Variants in NRXN1 observed in about 807,000 individuals in gnomAD.
NRXN1 encodes neurexin-1.
In NRXN1, 39 loss-of-function variants were observed where a neutral mutation model predicts 150.9. That is an observed-to-expected ratio of 0.26 (90% CI 0.20 to 0.34). The LOEUF is 0.34. NRXN1 is among the 10% of genes least tolerant of loss of function. NRXN1 has a pLI of 1.00. For synonymous variants in NRXN1, 924 were observed against 757.0 expected (o/e 1.22, Z -3.62); for missense variants, 1,815 against 1,949.9 (o/e 0.93, Z 1.30).
chr2:50,250,979 A>G (rs1483565078), intron 17 of NRXN1, among the ~76,000 whole-genome samples: 2 of 148,712 alleles, frequency 1.3e-5, no homozygotes, highest in African/African-American at 5.0e-5. Flanking sequence ...CACATTGCAT[A>G]TGTAATAAAT....
chr2:50,545,610 T>C (rs1175524516), intron 9 of NRXN1, among the ~76,000 whole-genome samples: 1 of 152,212 alleles, frequency 6.6e-6, no homozygotes, highest in Admixed American at 6.5e-5. Flanking sequence ...GCCAAGTTAT[T>C]GATTTCCTCT....
Position 50,961,814 on chromosome 2 carries a change from T to G in NRXN1, c.773-35859A>C, listed in dbSNP as rs369562427. ...AACAAGGAGGGATTTTGTTAATTCCTTTCCTCATAATATTATCATTTGTAT... is the reference window on the plus strand; with the variant it reads ...AACAAGGAGGGATTTTGTTAATTCCGTTCCTCATAATATTATCATTTGTAT... On this transcript the variant is annotated intron_variant, in intron 2 of 22. Coordinates refer to ENST00000401669, the MANE Select transcript of NRXN1 (RefSeq NM_001330078.2). 4.6e-5 allele frequency among the ~76,000 whole-genome samples: 7 copies of G among 151,816 alleles called. 1 individual carries two copies. In the South Asian group the frequency reaches 1.5e-3, roughly 32 times the overall value.
chr2:50,542,640 T>C (rs1437387603), intron 9 of NRXN1, among the ~76,000 whole-genome samples: 1 of 152,182 alleles, frequency 6.6e-6, no homozygotes, highest in Admixed American at 6.5e-5. Flanking sequence ...ATGGAAACAA[T>C]TATTTTTATA....
chr2:50,900,334 GGTAA>G (rs747156992), intron 5 of NRXN1, among the ~76,000 whole-genome samples: 1 of 152,076 alleles, frequency 6.6e-6, no homozygotes, highest in Non-Finnish European at 1.5e-5. Flanking sequence ...CCAGTGGAAG[GGTAA>G]GTATCTGGGA....
intron 17 of NRXN1, among the ~76,000 whole-genome samples, chr2:50,404,797 A>G (rs1296892160): frequency 6.6e-6 from 1 of 152,086 alleles, no homozygotes; most frequent in East Asian, 1.9e-4. Flanking sequence ...GCAGTATAAG[A>G]GTTTTGACTC....
At chr2:50,952,097 G>A (rs568925954) in intron 2 of NRXN1, among the ~76,000 whole-genome samples, 1 of 149,776 alleles carries the variant, frequency 6.7e-6, no homozygotes, top group African/African-American at 2.4e-5. Context: ...CTCCCAAGTA[G>A]CTGGGACTAT....
intron 2 of NRXN1, among the ~76,000 whole-genome samples, chr2:50,962,319 C>CCTGAGTAT (rs1693326954): frequency 6.6e-6 from 1 of 151,680 alleles, no homozygotes; most frequent in East Asian, 1.9e-4. Context: ...TGATTATCTT[C>CCTGAGTAT]CTGAGTATCC....
intron 2 of NRXN1, among the ~76,000 whole-genome samples, chr2:50,943,710 A>G (rs1255142131): frequency 1.3e-5 from 2 of 152,196 alleles, no homozygotes; most frequent in African/African-American, 4.8e-5. Context: ...CTCTGGTAAA[A>G]ATAAAAGAAG....
chr2:50,670,318 T>G (rs4246580), intron 5 of NRXN1, among the ~76,000 whole-genome samples: 52,797 of 151,442 alleles, frequency 0.35, 9,320 homozygotes, highest in South Asian at 0.41. Flanking sequence ...AGTGAAAACT[T>G]AACAAGTGCT....
chr2:50,084,467 C>G (rs1698487481), intron 19 of NRXN1, among the ~76,000 whole-genome samples: 1 of 152,226 alleles, frequency 6.6e-6, no homozygotes, highest in Admixed American at 6.5e-5. Context: ...AAGCCCATCA[C>G]TGCCGGGGCC....
At chr2:50,433,997 A>T (rs1359523050) in intron 17 of NRXN1, among the ~76,000 whole-genome samples, 2 of 149,920 alleles carry the variant, frequency 1.3e-5, no homozygotes, top group African/African-American at 4.9e-5. Context: ...TTCACATTAA[A>T]CACTGCCACA....
At chr2:51,008,049 G>C (rs1377338069) in intron 2 of NRXN1, among the ~76,000 whole-genome samples, 1 of 151,898 alleles carries the variant, frequency 6.6e-6, no homozygotes, top group Non-Finnish European at 1.5e-5. Context: ...GCTGAGATTT[G>C]CCTACAGTCT....
In NRXN1 at chr2:50,301,469, G is replaced by C. The variant is rs192749315; in HGVS notation, c.3365-64499C>G. ...TTTAACATATATTAAGGGAACATTT[G>C]TTTAATAAGTTAACAGGTAATCTGT... On this transcript the variant is annotated intron_variant, in intron 17 of 22. Transcript: ENST00000401669. Among the ~76,000 whole-genome samples the C allele has an allele frequency of 3.1e-3, 466 of 152,230 alleles. 1 individual carries two copies. The highest frequency in any genetic ancestry group is 0.01 in the African/African-American group (431 of 41,530).
intron 18 of NRXN1, among the ~76,000 whole-genome samples, chr2:50,224,008 C>T (rs2064129253): frequency 6.6e-6 from 1 of 151,850 alleles, no homozygotes; most frequent in Admixed American, 6.6e-5. Flanking sequence ...ATAATTGTAC[C>T]CATTAAGAGA....
Position 50,506,477 on chromosome 2 carries a change from T to G in NRXN1, c.2497+18A>C. On this transcript the variant is annotated intron_variant, in intron 13 of 22. Transcript: ENST00000401669. ...AAAGCGTTAGCATAGGAAAAGACAA[T>G]GGGACAGAGGTGTTTACCTGTCATG... 1 of 1,601,726 alleles carries G rather than the reference T, an allele frequency of 6.2e-7. No homozygotes were observed. The highest frequency in any genetic ancestry group is 8.5e-7 in the Non-Finnish European group (1 of 1,172,238).
intron 15 of NRXN1, among the ~76,000 whole-genome samples, chr2:50,486,470 GT>G (rs1350744385): frequency 6.6e-6 from 1 of 152,050 alleles, no homozygotes; most frequent in Admixed American, 6.6e-5. Context: ...AGTTCATTGG[GT>G]TTCACAAAAA....
chr2:50,184,107 A>G (rs548745595), intron 18 of NRXN1, among the ~76,000 whole-genome samples: 2 of 152,202 alleles, frequency 1.3e-5, no homozygotes, highest in Non-Finnish European at 2.9e-5. Context: ...TTTTCTACAG[A>G]TGCATTAGCT....
chr2:50,792,145 G>T (rs1247670992), intron 5 of NRXN1, among the ~76,000 whole-genome samples: 1 of 152,044 alleles, frequency 6.6e-6, no homozygotes, highest in Non-Finnish European at 1.5e-5. Context: ...GCGACTTTGG[G>T]TAAGACATAA....
chr2:50,177,430 T>C (rs868442215), intron 18 of NRXN1, among the ~76,000 whole-genome samples: 13 of 152,070 alleles, frequency 8.5e-5, no homozygotes, highest in Middle Eastern at 3.2e-3. Context: ...TACTTTGCTG[T>C]CCCATTTCTA....
Sources: gnomAD v4.1 joint callset for allele counts (sites outside exome capture counted in the v4.1 genomes callset) on GRCh38, gnomAD v4.1.1 for gene constraint, MANE v1.5 for transcripts, NCBI Gene and HGNC (gene_info 2026-07-23, HGNC 2026-07-21) for gene names.